DDO: variants seen among roughly 807,000 people sequenced by gnomAD.
DDO encodes D-aspartate oxidase, DDO.
Under a neutral mutation model 16.8 loss-of-function variants are expected in DDO, and 16 were observed. The ratio of observed to expected loss-of-function variants is 0.95; its 90% confidence interval spans 0.65 to 1.45. DDO has a LOEUF of 1.45. DDO is among the 40% of genes most tolerant of loss of function. The probability of loss-of-function intolerance (pLI) is 0.00; values close to 1 mark genes in which losing one functional copy is unlikely to be tolerated. For synonymous variants in DDO, 180 were observed against 167.2 expected (o/e 1.08, Z -0.59); for missense variants, 429 against 420.3 (o/e 1.02, Z -0.18).
At chr6:110,404,067 A>T (rs1396780551) in intron 4 of DDO, among the ~76,000 whole-genome samples, 1 of 152,224 alleles carries the variant, frequency 6.6e-6, no homozygotes, top group Admixed American at 6.5e-5. Flanking sequence ...AATTGAAAGG[A>T]TCAATATTTC....
intron 2 of DDO, among the ~76,000 whole-genome samples, chr6:110,409,522 C>T (rs1195729659): frequency 6.6e-6 from 1 of 152,182 alleles, no homozygotes; most frequent in Non-Finnish European, 1.5e-5. Flanking sequence ...TCCTGCTTCC[C>T]AGGTGAAGCC....
chr6:110,406,638 C>T (rs1201084713), intron 3 of DDO, among the ~76,000 whole-genome samples: 2 of 152,196 alleles, frequency 1.3e-5, no homozygotes, highest in Admixed American at 6.5e-5. Flanking sequence ...TCTGGACTTC[C>T]TTCAGTCCCT....
downstream of DDO, among the ~76,000 whole-genome samples, chr6:110,391,213 T>A (rs375368345): frequency 1.3e-5 from 2 of 152,192 alleles, no homozygotes; most frequent in Non-Finnish European, 2.9e-5. Flanking sequence ...GCTGTAGCTG[T>A]GCTAAGAGCT....
intron 4 of DDO, among the ~76,000 whole-genome samples, chr6:110,396,068 G>A (rs1009542681): frequency 3.3e-5 from 5 of 152,290 alleles, no homozygotes; most frequent in East Asian, 3.9e-4. Flanking sequence ...AATGCCTCAC[G>A]TTGATGAGCA....
downstream of DDO, among the ~76,000 whole-genome samples, chr6:110,391,490 C>T (rs189009279): frequency 2.5e-3 from 375 of 152,096 alleles, 2 homozygotes; most frequent in African/African-American, 8.5e-3. Flanking sequence ...CACCCACCAT[C>T]ATGCCCAGCT....
intron 3 of DDO, 127 bp from the exon 4 acceptor site, chr6:110,405,077 C>G: frequency 1.0e-6 from 1 of 969,792 alleles, no homozygotes; most frequent in Admixed American, 2.5e-5. Flanking sequence ...CACTCCATCA[C>G]CCAGGTGGGA....
chr6:110,388,682 C>A, downstream of DDO: 1 of 442,884 alleles, frequency 2.3e-6, no homozygotes, highest in Non-Finnish European at 3.0e-6. Context: ...AAGAAGCACA[C>A]GCTGGCAATG....
intron 2 of DDO, among the ~76,000 whole-genome samples, chr6:110,410,254 T>A (rs1034708027): frequency 3.3e-5 from 5 of 152,174 alleles, no homozygotes; most frequent in Admixed American, 6.5e-5. Context: ...AAAGAGACAG[T>A]TCTGGCCTCG....
At chr6:110,413,795 AG>A (rs1337410563) in intron 1 of DDO, among the ~76,000 whole-genome samples, 1 of 151,834 alleles carries the variant, frequency 6.6e-6, no homozygotes, top group African/African-American at 2.4e-5. Flanking sequence ...TCCCCCTGAA[AG>A]GGGGTCTTGC....
At position 110,408,393 on chromosome 6, in the gene DDO, G is replaced by A. The variant is rs1392899998; in HGVS notation, c.222C>T (p.His74=). 1 of 1,614,188 alleles carries A rather than the reference G, an allele frequency of 6.2e-7. No individual in the cohort carries two copies. Among genetic ancestry groups the A allele is most frequent in the Non-Finnish European group, 8.5e-7 (1 of 1,180,026 alleles). The stretch of plus-strand genomic sequence containing the variant: ...CTGCAGAATTGGCAATTGCAAAGAG[G>A]TGATTAAAGGTTTCTCTGAACCACT... The part of the protein sequence containing the change: ...QKQWFRETFN[H]LFAIANSAEA... The change falls in exon 3 of 5, where the codon CAC becomes CAT. Residue 74 remains histidine, a synonymous_variant. Transcript: ENST00000368924.
rs755945821 is a variant in DDO at position 110,392,982 on chromosome 6, C to G, written c.819G>C (p.Glu273Asp). 1.1e-5 allele frequency: 17 copies of G among 1,612,884 alleles called. No homozygotes were observed. The highest frequency in any genetic ancestry group is 1.4e-5 in the Non-Finnish European group (17 of 1,178,922). The change falls in exon 5 of 5, where the codon GAG becomes GAC. Residue 273 changes from glutamate to aspartate, a missense_variant. Glu to Asp is a conservative substitution (Grantham distance 45). Coordinates refer to ENST00000368924, the MANE Select transcript of DDO (RefSeq NM_001372108.2). Reference protein sequence around the residue: ...PSLHGACNIREKVGLRPYRPG... With the variant: ...PSLHGACNIRDKVGLRPYRPG... ...GCCTGTAGGGCCTCAAGCCCACCTT[C>G]TCCCTGATGTTGCAGGCTCCGTGGA...
At chr6:110,413,035 C>A (rs55762062) in intron 2 of DDO, among the ~76,000 whole-genome samples, 23,302 of 151,868 alleles carry the variant, frequency 0.15, 2,174 homozygotes, top group African/African-American at 0.26. Context: ...CCCAGGTACA[C>A]GAAAGGCTGA....
At chr6:110,410,683 G>C (rs567584601) in intron 2 of DDO, among the ~76,000 whole-genome samples, 2 of 152,278 alleles carry the variant, frequency 1.3e-5, no homozygotes, top group East Asian at 3.9e-4. Context: ...ACTATCATGA[G>C]AACAGCAGCA....
At chr6:110,404,669 G>A in intron 4 of DDO, 105 bp downstream of exon 4, 5 of 1,269,050 alleles carry the variant, frequency 3.9e-6, no homozygotes, top group Non-Finnish European at 5.6e-6. Context: ...ACGCGAAAGA[G>A]CTCTGAGGGA....
At chr6:110,398,357 G>C (rs1368396035) in intron 4 of DDO, among the ~76,000 whole-genome samples, 1 of 148,686 alleles carries the variant, frequency 6.7e-6, no homozygotes, top group Non-Finnish European at 1.5e-5. Flanking sequence ...GGAAAATAAG[G>C]GTCCACTAAG....
Position 110,413,519 on chromosome 6 carries a change from C to G in DDO, c.-4-53G>C, listed in dbSNP as rs970793599. 1.9e-6 allele frequency: 3 copies of G among 1,579,836 alleles called. No individual in the cohort carries two copies. In the Admixed American group the frequency reaches 5.3e-5, roughly 28 times the overall value. On this transcript the variant is annotated intron_variant, in intron 1 of 4. Transcript: ENST00000368924. ...CCCTTGTTTTAAGGATTTTCCCATC[C>G]AGACAAAGTTTGGTCTTGACAGTTT...
chr6:110,405,057 GAC>G (rs1773604148), intron 3 of DDO, 107 bp from the exon 4 acceptor site: 3 of 1,159,540 alleles, frequency 2.6e-6, no homozygotes, highest in African/African-American at 3.1e-5. Context: ...TTATTTTTGA[GAC>G]AGAGTCTCAC....
At chr6:110,398,567 C>T (rs116854289) in intron 4 of DDO, among the ~76,000 whole-genome samples, 14,050 of 152,076 alleles carry the variant, frequency 0.092, 946 homozygotes, top group Non-Finnish European at 0.14. Context: ...GGCTGTGATG[C>T]GGACAGCCTG....
chr6:110,408,234 C>T (rs878892347), intron 3 of DDO, 100 bp downstream of exon 3: 2 of 1,109,728 alleles, frequency 1.8e-6, no homozygotes, highest in South Asian at 1.4e-5. Flanking sequence ...TAAGTCAGCA[C>T]TCTGCTCACA....
Sources: gnomAD v4.1 joint callset for allele counts (sites outside exome capture counted in the v4.1 genomes callset) on GRCh38, gnomAD v4.1.1 for gene constraint, MANE v1.5 for transcripts, NCBI Gene and HGNC (gene_info 2026-07-23, HGNC 2026-07-21) for gene names.